The following TLN2 variants were observed in gnomAD, a reference collection of about 807,000 sequenced individuals.
The protein encoded by TLN2 is talin-2.
In TLN2, 118 loss-of-function variants were observed where a neutral mutation model predicts 294.7. The observed-to-expected ratio is 0.40, with a 90% CI of 0.34 to 0.47. The LOEUF (loss-of-function observed/expected upper bound fraction) is 0.47. TLN2 is among the 20% of genes least tolerant of loss of function. The pLI, the probability that TLN2 is intolerant of heterozygous loss-of-function variation, is 0.84. For missense variants in TLN2, 3,083 were observed against 3,282.2 expected, an observed-to-expected ratio of 0.94 and a Z score of 1.48; for synonymous variants, 1,431 against 1,304.5, an observed-to-expected ratio of 1.10 and a Z score of -2.09.
intron 2 of TLN2, among the ~76,000 whole-genome samples, chr15:62,615,626 C>T (rs1430840984): frequency 6.6e-6 from 1 of 152,194 alleles, no homozygotes; most frequent in Non-Finnish European, 1.5e-5. Flanking sequence ...CTTTTATGTT[C>T]ATATGCACGT....
Position 62,838,971 on chromosome 15 carries a change from G to C in TLN2, c.7490G>C (p.Gly2497Ala). ...DVVVKTKFVG[G>A]IAQIIAAQEE... ...GTAGTGAAAACCAAGTTTGTGGGGG[G>C]CATTGCTCAGGTTTGTAATTAAATC... Residue 2497 changes from glycine (G) to alanine (A), a missense_variant, in exon 58 of 59, where the codon GGC (glycine) becomes GCC (alanine). Physicochemically the swap from Gly to Ala is moderately conservative, Grantham distance 60. Coordinates refer to ENST00000636159, the MANE Select transcript of TLN2 (RefSeq NM_015059.3). 6.2e-7 allele frequency: 1 copy of C among 1,614,092 alleles called. No individual in the cohort carries two copies. The highest frequency in any genetic ancestry group is 2.2e-5 in the East Asian group (1 of 44,886).
intron 54 of TLN2, chr15:62,832,036 C>A (rs1416636920): frequency 6.6e-6 from 1 of 151,522 alleles, no homozygotes; most frequent in African/African-American, 2.4e-5. Flanking sequence ...CACCTTGGCC[C>A]AATCATCTAC....
chr15:62,785,558 A>G (rs771190808), intron 45 of TLN2, among the ~76,000 whole-genome samples: 12 of 151,296 alleles, frequency 7.9e-5, no homozygotes, highest in South Asian at 2.1e-4. Context: ...AGGTTGAGCC[A>G]GGAGAATTGC....
chr15:62,513,147 G>A (rs960505053), intron 1 of TLN2, among the ~76,000 whole-genome samples: 1 of 152,070 alleles, frequency 6.6e-6, no homozygotes, highest in African/African-American at 2.4e-5. Context: ...GGAGCCTCTG[G>A]TCATGCTGAG....
chr15:62,461,705 G>A (rs1237193817), intron 1 of TLN2, among the ~76,000 whole-genome samples: 2 of 152,178 alleles, frequency 1.3e-5, no homozygotes, highest in African/African-American at 4.8e-5. Flanking sequence ...CTAAAGAGTC[G>A]ACATTTCAGC....
At chr15:62,667,236 G>C (rs1043234468) in intron 9 of TLN2, among the ~76,000 whole-genome samples, 7 of 152,150 alleles carry the variant, frequency 4.6e-5, no homozygotes, top group African/African-American at 1.4e-4. Context: ...AAAGTGCTGG[G>C]ATTACAGGCG....
intron 1 of TLN2, among the ~76,000 whole-genome samples, chr15:62,492,190 G>T (rs140798460): frequency 6.6e-6 from 1 of 152,146 alleles, no homozygotes; most frequent in East Asian, 1.9e-4. Flanking sequence ...GGTGGCTCAC[G>T]CCTGTAATCC....
intron 1 of TLN2, among the ~76,000 whole-genome samples, chr15:62,450,493 CATT>C (rs558447848): frequency 3.2e-3 from 492 of 151,656 alleles, no homozygotes; most frequent in African/African-American, 0.011. Flanking sequence ...AGCCCTACAT[CATT>C]AAGTGGCCCC....
At chr15:62,450,438 A>G (rs1337363006) in intron 1 of TLN2, among the ~76,000 whole-genome samples, 3 of 120,816 alleles carry the variant, frequency 2.5e-5, no homozygotes, top group Non-Finnish European at 5.4e-5. Context: ...TGTAGGAGAT[A>G]CAGTTGGGGA....
chr15:62,792,588 G>A, intron 45 of TLN2, 53 bp from the exon 46 acceptor site: 7 of 1,588,772 alleles, frequency 4.4e-6, no homozygotes, highest in African/African-American at 1.3e-5. Context: ...GGAAGGCCTC[G>A]ATGGCAGAGT....
At chr15:62,673,772 C>A in intron 9 of TLN2, 55 bp from the exon 10 acceptor site, 1 of 1,408,446 alleles carries the variant, frequency 7.1e-7, no homozygotes, top group Non-Finnish European at 1.0e-6. Flanking sequence ...CTTTGCTTTG[C>A]TTCTCATCAT....
chr15:62,652,773 C>T (rs984907688), intron 6 of TLN2, among the ~76,000 whole-genome samples: 1 of 152,082 alleles, frequency 6.6e-6, no homozygotes, highest in Admixed American at 6.6e-5. Flanking sequence ...GGTACGATTT[C>T]ACTACTACAT....
chr15:62,452,691 G>T (rs538565483), intron 1 of TLN2, among the ~76,000 whole-genome samples: 1 of 152,128 alleles, frequency 6.6e-6, no homozygotes, highest in Non-Finnish European at 1.5e-5. Context: ...GAATCATACC[G>T]CATTTGTTTT....
intron 9 of TLN2, among the ~76,000 whole-genome samples, chr15:62,667,140 T>C (rs543573202): frequency 1.6e-4 from 25 of 152,170 alleles, no homozygotes; most frequent in African/African-American, 6.0e-4. Flanking sequence ...TAATTTTTTG[T>C]ATTTTTTAGT....
intron 1 of TLN2, among the ~76,000 whole-genome samples, chr15:62,403,217 C>CA (rs1177340470): frequency 1.5e-3 from 189 of 123,580 alleles, no homozygotes; most frequent in East Asian, 9.2e-3. Context: ...GACTCCATCT[C>CA]AAAAAAAAAA....
At chr15:62,709,604 G>C (rs981863205) in intron 21 of TLN2, among the ~76,000 whole-genome samples, 34 of 152,116 alleles carry the variant, frequency 2.2e-4, no homozygotes, top group African/African-American at 8.0e-4. Context: ...AAAAACATAC[G>C]CAATACACCT....
intron 1 of TLN2, among the ~76,000 whole-genome samples, chr15:62,526,861 C>G (rs2040765771): frequency 6.6e-6 from 1 of 152,090 alleles, no homozygotes. Context: ...TACAGACAAG[C>G]CATGAATACT....
At chr15:62,705,747 C>T (rs1000884839) in intron 19 of TLN2, among the ~76,000 whole-genome samples, 2 of 152,158 alleles carry the variant, frequency 1.3e-5, no homozygotes, top group African/African-American at 4.8e-5. Flanking sequence ...GTAACTTTGC[C>T]ATAGTGGGAG....
chr15:62,675,051 A>T (rs2056005253), intron 10 of TLN2, among the ~76,000 whole-genome samples, 166 bp from the exon 11 acceptor site: 1 of 152,148 alleles, frequency 6.6e-6, no homozygotes, highest in South Asian at 2.1e-4. Flanking sequence ...GCATGCTCTG[A>T]TCCTTGGTCA....
Sources: gnomAD v4.1 joint callset for allele counts (sites outside exome capture counted in the v4.1 genomes callset) on GRCh38, gnomAD v4.1.1 for gene constraint, MANE v1.5 for transcripts, NCBI Gene and HGNC (gene_info 2026-07-23, HGNC 2026-07-21) for gene names.